SCHIP1: variants seen among roughly 807,000 people sequenced by gnomAD.
SCHIP1 encodes schwannomin interacting protein 1.
Under a neutral mutation model 29.7 loss-of-function variants are expected in SCHIP1, and 8 were observed. The ratio of observed to expected loss-of-function variants is 0.27; its 90% CI spans 0.16 to 0.49. SCHIP1 has a LOEUF of 0.49. SCHIP1 is among the 20% of genes least tolerant of loss of function. The pLI is 0.99. For synonymous variants in SCHIP1, 76 were observed against 94.9 expected (o/e 0.80, Z 1.16); for missense variants, 193 against 294.6 (o/e 0.66, Z 2.52).
chr3:159,712,248 A>G, the SCHIP1 span, among the ~76,000 whole-genome samples: 1 of 152,226 alleles, frequency 6.6e-6, no homozygotes, highest in Non-Finnish European at 1.5e-5. Flanking sequence ...CCTTTCAGCT[A>G]TCCAGCCTCT....
the SCHIP1 span, among the ~76,000 whole-genome samples, chr3:159,334,090 C>G: frequency 6.6e-6 from 1 of 152,048 alleles, no homozygotes; most frequent in African/African-American, 2.4e-5. Flanking sequence ...AAAAACAAAA[C>G]AATATTACAT....
chr3:159,769,084 C>T, the SCHIP1 span, among the ~76,000 whole-genome samples: 20 of 152,298 alleles, frequency 1.3e-4, no homozygotes, highest in African/African-American at 4.1e-4. Context: ...GTCCTGCTTG[C>T]AGAAGTTCAT....
chr3:159,663,346 G>A, the SCHIP1 span, among the ~76,000 whole-genome samples: 1 of 152,188 alleles, frequency 6.6e-6, no homozygotes, highest in African/African-American at 2.4e-5. Context: ...GGTTCCGGGT[G>A]AAGTTCTGAG....
the SCHIP1 span, among the ~76,000 whole-genome samples, chr3:159,338,026 G>A: frequency 1.3e-5 from 2 of 152,090 alleles, no homozygotes; most frequent in African/African-American, 4.8e-5. Flanking sequence ...GTAAGAGCAT[G>A]GTTCCTTCCT....
the SCHIP1 span, among the ~76,000 whole-genome samples, chr3:159,625,123 G>A: frequency 6.6e-6 from 1 of 152,176 alleles, no homozygotes; most frequent in South Asian, 2.1e-4. Flanking sequence ...TGTGGAACCA[G>A]GGGTCTGTGC....
the SCHIP1 span, among the ~76,000 whole-genome samples, chr3:159,639,776 T>A: frequency 2.0e-5 from 3 of 152,074 alleles, no homozygotes; most frequent in African/African-American, 7.2e-5. Flanking sequence ...CAGACAGAGG[T>A]TTTGGAGGAC....
chr3:159,636,146 T>TC, the SCHIP1 span, among the ~76,000 whole-genome samples: 1 of 152,226 alleles, frequency 6.6e-6, no homozygotes, highest in Non-Finnish European at 1.5e-5. Flanking sequence ...CCTTTTGGGT[T>TC]CAAGTGATTC....
At chr3:159,309,815 T>C in the SCHIP1 span, among the ~76,000 whole-genome samples, 1 of 152,174 alleles carries the variant, frequency 6.6e-6, no homozygotes, top group African/African-American at 2.4e-5. Flanking sequence ...GGGTCCACCA[T>C]GCAATATTCA....
At chr3:159,554,352 G>C in the SCHIP1 span, among the ~76,000 whole-genome samples, 1 of 152,094 alleles carries the variant, frequency 6.6e-6, no homozygotes, top group South Asian at 2.1e-4. Context: ...GGGGCTTTAA[G>C]TGAGGGCAGT....
At chr3:159,339,741 A>T in the SCHIP1 span, among the ~76,000 whole-genome samples, 18 of 152,146 alleles carry the variant, frequency 1.2e-4, no homozygotes, top group Non-Finnish European at 2.1e-4. Flanking sequence ...AACTTCTTAA[A>T]ATTTCAGCTT....
At chr3:159,474,253 T>C in the SCHIP1 span, among the ~76,000 whole-genome samples, 2 of 152,212 alleles carry the variant, frequency 1.3e-5, no homozygotes, top group Non-Finnish European at 2.9e-5. Flanking sequence ...AGCTTTGCTT[T>C]GTTTTTGACC....
chr3:159,595,679 TA>T, the SCHIP1 span, among the ~76,000 whole-genome samples: 1 of 152,120 alleles, frequency 6.6e-6, no homozygotes, highest in Non-Finnish European at 1.5e-5. Context: ...TACCAGAACT[TA>T]AACATAAAAA....
chr3:159,420,077 A>T, the SCHIP1 span, among the ~76,000 whole-genome samples: 1 of 152,360 alleles, frequency 6.6e-6, no homozygotes, highest in East Asian at 1.9e-4. Context: ...GCTAAGAACC[A>T]GAAATATAAA....
chr3:159,630,502 A>G, the SCHIP1 span, among the ~76,000 whole-genome samples: 1 of 152,202 alleles, frequency 6.6e-6, no homozygotes, highest in Non-Finnish European at 1.5e-5. Context: ...CTACTCAGCC[A>G]TAAAAAGGAA....
chr3:159,662,538 C>T, the SCHIP1 span, among the ~76,000 whole-genome samples: 6 of 152,160 alleles, frequency 3.9e-5, no homozygotes, highest in Non-Finnish European at 8.8e-5. Context: ...TCAACTACAC[C>T]CAGTCATATC....
At chr3:159,746,995 C>G in the SCHIP1 span, among the ~76,000 whole-genome samples, 1 of 152,208 alleles carries the variant, frequency 6.6e-6, no homozygotes. Flanking sequence ...TATGCCCACC[C>G]TAATACTTTG....
the SCHIP1 span, chr3:159,273,661 T>C: frequency 1.8e-5 from 24 of 1,370,240 alleles, no homozygotes; most frequent in Non-Finnish European, 2.1e-5. Context: ...TGGTGGTTGA[T>C]AACCGAAGGG....
At chr3:159,329,228 G>GCA in the SCHIP1 span, among the ~76,000 whole-genome samples, 1 of 151,772 alleles carries the variant, frequency 6.6e-6, no homozygotes. Flanking sequence ...TAACACATAT[G>GCA]CACACACACA....
the SCHIP1 span, among the ~76,000 whole-genome samples, chr3:159,403,752 ATGT>A: frequency 2.6e-5 from 4 of 152,214 alleles, no homozygotes; most frequent in African/African-American, 9.6e-5. Flanking sequence ...TGTCCTGATG[ATGT>A]TCTGGCTTGA....
Sources: gnomAD v4.1 joint callset for allele counts (sites outside exome capture counted in the v4.1 genomes callset) on GRCh38, gnomAD v4.1.1 for gene constraint, MANE v1.5 for transcripts, NCBI Gene and HGNC (gene_info 2026-07-23, HGNC 2026-07-21) for gene names.